HERC2: variants seen among roughly 807,000 people sequenced by gnomAD.
The protein encoded by HERC2 is E3 ubiquitin-protein ligase HERC2.
Under a neutral mutation model 537.7 loss-of-function variants are expected in HERC2, and 102 were observed. That is an observed-to-expected ratio of 0.19 (90% CI 0.16 to 0.22). HERC2 has a LOEUF of 0.22. HERC2 is among the 10% of genes least tolerant of loss of function. The pLI is 1.00. For missense variants in HERC2, 4,236 were observed against 6,198.2 expected (o/e 0.68, Z 10.63); for synonymous variants, 2,224 against 2,466.2 (o/e 0.90, Z 2.91).
At chr15:28,224,227 C>T (rs1387650920) in intron 35 of HERC2, among the ~76,000 whole-genome samples, 1 of 151,236 alleles carries the variant, frequency 6.6e-6, no homozygotes, top group African/African-American at 2.4e-5. Context: ...CCCCCACCCC[C>T]AAGACAGGAT....
rs778749870 is a variant in HERC2 at position 28,111,863 on chromosome 15, G to A, written c.14405C>T (p.Thr4802Ile). 1 of 1,614,244 alleles carries A rather than the reference G, an allele frequency of 6.2e-7. No individual in the cohort carries two copies. ...DTDDYARIAL[T>I]GEPAADDSSD... ...GCTGTCGTCGGCGGCTGGCTCTCCT[G>A]TAAGTGCGATGCGAGCGTAGTCATC... The change falls in exon 93 of 93, where the codon ACA becomes ATA. Residue 4802 changes from threonine (T) to isoleucine (I), a missense_variant. Physicochemically the swap from Thr to Ile is moderately conservative, Grantham distance 89 (BLOSUM62 -1). Around this residue, in one of 27 missense-constraint regions of HERC2, gnomAD observed 313 missense variants for 462.6 expected, o/e 0.68. Coordinates refer to ENST00000261609, the MANE Select transcript of HERC2 (RefSeq NM_004667.6).
chr15:28,291,128 C>T (rs1475801974), intron 4 of HERC2, among the ~76,000 whole-genome samples: 2 of 152,206 alleles, frequency 1.3e-5, no homozygotes, highest in African/African-American at 4.8e-5. Context: ...GTAGTACATG[C>T]TGGTACTTAC....
At chr15:28,308,757 A>G (rs2076860870) in intron 2 of HERC2, among the ~76,000 whole-genome samples, 2 of 152,246 alleles carry the variant, frequency 1.3e-5, no homozygotes, top group African/African-American at 4.8e-5. Context: ...TTTATCATGA[A>G]AGGATGTTGA....
rs754242264 is a variant in HERC2 at position 28,265,904 on chromosome 15, C to T, written c.1669G>A (p.Ala557Thr). The change falls in exon 13 of 93, where the codon GCT (alanine) becomes ACT (threonine). Residue 557 changes from alanine (A) to threonine (T), a missense_variant. Transcript: ENST00000261609. This position sits in a 1 kb window ranked among gnomAD's most constrained non-coding sequence, Gnocchi z 4.0. ...GCCGCACTGTAAGTGCTCCCGCAAG[C>T]GATGTGCACCACGTGCTTCCCGGCC... ...KQAGKHVVHIACGSTYSAAIT... is the reference protein window; with the variant it reads ...KQAGKHVVHITCGSTYSAAIT... The T allele has an allele frequency of 4.3e-6, 7 of 1,614,074 alleles. No individual in the cohort carries two copies. The highest frequency in any genetic ancestry group is 3.3e-5 in the Admixed American group (2 of 60,012).
At chr15:28,129,466 C>A (rs1213416279) in intron 83 of HERC2, among the ~76,000 whole-genome samples, 1 of 152,206 alleles carries the variant, frequency 6.6e-6, no homozygotes, top group African/African-American at 2.4e-5. Flanking sequence ...AGTTCCAGAC[C>A]AAGGAAAGCA....
intron 74 of HERC2, 41 bp downstream of exon 74, chr15:28,143,832 A>C (rs1184775421): frequency 1.2e-5 from 19 of 1,612,642 alleles, no homozygotes; most frequent in South Asian, 2.2e-5. Flanking sequence ...TTTATTCCCC[A>C]AGGGTCACAA....
Position 28,148,103 on chromosome 15 carries a change from G to C in HERC2, c.10901-1759C>G, listed in dbSNP as rs535772027. Among the ~76,000 whole-genome samples, 7 of 150,970 alleles carry C rather than the reference G, an allele frequency of 4.6e-5. No individual in the cohort carries two copies. The South Asian group carries it at 1.5e-3, about 32-fold the overall frequency. ...ACATCCCCACAGGCAATAAAAGCAG[G>C]CCAGAAAGATACACCCACAAAACAC... On this transcript the variant is annotated intron_variant, in intron 70 of 92. Coordinates refer to ENST00000261609, the MANE Select transcript of HERC2 (RefSeq NM_004667.6).
chr15:28,113,567 G>A lies in HERC2; in HGVS notation c.14019+6C>T. On this transcript the variant is annotated splice_donor_region_variant and intron_variant, in intron 91 of 92. Coordinates refer to ENST00000261609, the MANE Select transcript of HERC2 (RefSeq NM_004667.6). The surrounding 1 kb of genome is among the most constrained non-coding windows in gnomAD (Gnocchi z 7.0). Reference sequence around the variant, plus strand: ...GCAGGGCAGCCCCACCTGGGGGTCGGCATACCATCGTCTCCAGTTCGTAGC... The same window carrying A: ...GCAGGGCAGCCCCACCTGGGGGTCGACATACCATCGTCTCCAGTTCGTAGC... 6.2e-7 allele frequency: 1 copy of A among 1,612,242 alleles called. No individual in the cohort carries two copies. Among genetic ancestry groups the A allele is most frequent in the Non-Finnish European group, 8.5e-7 (1 of 1,178,412 alleles).
intron 45 of HERC2, among the ~76,000 whole-genome samples, chr15:28,205,139 A>C (rs1340833920): frequency 5.9e-5 from 9 of 152,198 alleles, no homozygotes; most frequent in African/African-American, 1.7e-4. Flanking sequence ...ACATTTCATG[A>C]AAAAGAAGAG....
Position 28,268,575 on chromosome 15 carries a change from T to A in HERC2, c.1488A>T (p.Val496=), listed in dbSNP as rs771478819. ...LVQGLASRNI[V]KIAAHSDGHH... ...GACCATCAGAATGGGCAGCAATTTT[T>A]ACAATGTTTCTGGAGGCAAGGCCTT... The change falls in exon 12 of 93, where the codon GTA becomes GTT. Residue 496 remains valine, a synonymous_variant. Transcript: ENST00000261609. This position sits in a 1 kb window ranked among gnomAD's most constrained non-coding sequence, Gnocchi z 4.7. 2 of 1,614,096 alleles carry A rather than the reference T, an allele frequency of 1.2e-6. No individual in the cohort carries two copies. The highest frequency in any genetic ancestry group is 2.7e-5 in the African/African-American group (2 of 74,936).
At chr15:28,119,127 T>C (rs1006292545) in intron 86 of HERC2, among the ~76,000 whole-genome samples, 3 of 151,132 alleles carry the variant, frequency 2.0e-5, no homozygotes, top group Non-Finnish European at 4.4e-5. Context: ...AAAGGCTGGG[T>C]GCGGTGGCTC....
At chr15:28,132,300 C>T in intron 80 of HERC2, 39 bp from the exon 81 acceptor site, 1 of 1,563,394 alleles carries the variant, frequency 6.4e-7, no homozygotes, top group Non-Finnish European at 8.7e-7. Flanking sequence ...AAGCACAACA[C>T]AAGAAGGCTT....
chr15:28,182,385 A>G lies in HERC2; in HGVS notation c.8937+16T>C. 6.3e-7 allele frequency: 1 copy of G among 1,590,204 alleles called. No individual in the cohort carries two copies. ...CGAGTGCCCCACCCTGCTGGGTCCC[A>G]GGGAGCAGGCCGTACCTTGGAGCCT... On this transcript the variant is annotated intron_variant, in intron 57 of 92. Transcript: ENST00000261609.
At position 28,313,561 on chromosome 15, in the gene HERC2, T is replaced by G. The variant is rs1425655581; in HGVS notation, c.72+7801A>C. ...ATAACAAATGAATATCTGATTAATG[T>G]ATAGGTTAGAAAATGTTTCTTTTTC... On this transcript the variant is annotated intron_variant, in intron 2 of 92. Coordinates refer to ENST00000261609, the MANE Select transcript of HERC2 (RefSeq NM_004667.6). Among the ~76,000 whole-genome samples the G allele has an allele frequency of 2.0e-5, 3 of 152,236 alleles. No individual in the cohort carries two copies. In the East Asian group the frequency reaches 5.8e-4, roughly 29 times the overall value.
intron 86 of HERC2, among the ~76,000 whole-genome samples, chr15:28,120,886 A>G (rs1054559444): frequency 6.0e-4 from 92 of 152,270 alleles, no homozygotes; most frequent in African/African-American, 2.1e-3. Flanking sequence ...ACCAGGACAC[A>G]CCCCTGCAAG....
chr15:28,250,785 G>A (rs968408124), intron 20 of HERC2, among the ~76,000 whole-genome samples: 8 of 152,028 alleles, frequency 5.3e-5, no homozygotes, highest in East Asian at 1.9e-4. Context: ...AACACTTAAG[G>A]TGAGAAAACA....
intron 78 of HERC2, among the ~76,000 whole-genome samples, chr15:28,137,309 C>T (rs1209021141): frequency 6.6e-6 from 1 of 152,184 alleles, no homozygotes. Context: ...ATGATCCCTG[C>T]TTCTAAATAT....
At chr15:28,131,440 A>C (rs954830804) in intron 81 of HERC2, among the ~76,000 whole-genome samples, 2 of 152,220 alleles carry the variant, frequency 1.3e-5, no homozygotes, top group Admixed American at 6.5e-5. Context: ...TACCCAGCAG[A>C]GCACCTGGGC....
chr15:28,120,814 G>A (rs1188681557), intron 86 of HERC2, among the ~76,000 whole-genome samples: 1 of 152,196 alleles, frequency 6.6e-6, no homozygotes, highest in Non-Finnish European at 1.5e-5. Context: ...AGATAGCCCT[G>A]CCTGTACCAC....
Sources: allele counts gnomAD v4.1 joint callset (sites outside exome capture counted in the v4.1 genomes callset), GRCh38; gene constraint gnomAD v4.1.1; regional missense constraint gnomAD v4.1.1; non-coding constraint Gnocchi (gnomAD v3.1); transcripts MANE v1.5; gene names NCBI Gene and HGNC (gene_info 2026-07-23, HGNC 2026-07-21).